Variants in ARL15 observed in about 807,000 individuals in gnomAD.
The protein encoded by ARL15 is ADP-ribosylation factor-like protein 15.
Under a neutral mutation model 25.2 loss-of-function variants are expected in ARL15, and 19 were observed. The observed-to-expected ratio is 0.75, with a 90% CI of 0.53 to 1.10. The LOEUF is 1.10. ARL15 is among the 50% of genes least tolerant of loss of function. ARL15 has a pLI of 0.00. For missense variants in ARL15, 220 were observed against 246.0 expected (o/e 0.89, Z 0.71); for synonymous variants, 94 against 86.8 (o/e 1.08, Z -0.46).
At chr5:54,043,437 T>G (rs1750406734) in intron 4 of ARL15, among the ~76,000 whole-genome samples, 1 of 152,164 alleles carries the variant, frequency 6.6e-6, no homozygotes, top group Non-Finnish European at 1.5e-5. Context: ...ATTGAGATAA[T>G]TATGTAATAA....
chr5:54,228,912 C>T (rs1756596267), intron 1 of ARL15, among the ~76,000 whole-genome samples: 2 of 152,082 alleles, frequency 1.3e-5, no homozygotes, highest in Non-Finnish European at 2.9e-5. Flanking sequence ...ACATAGCATC[C>T]CTGAAAATAA....
rs1202569575 is a variant in ARL15, at chr5:53,886,016, GATTA to G, written c.*541_*544del. On this transcript the variant is annotated 3_prime_UTR_variant, in exon 5 of 5. Transcript: ENST00000504924. ...GCAGGATATTCCTTCCTGATAAGGT[GATTA>G]ATGAAGTTTTTGGTGCTCACTTTTC... is the stretch of plus-strand genomic sequence containing the variant. 6.6e-6 allele frequency: 1 copy of G among 150,478 alleles called. No individual in the cohort carries two copies. Among genetic ancestry groups the G allele is most frequent in the East Asian group, 1.9e-4 (1 of 5,132 alleles). 9.3% of individuals were successfully genotyped at this position (150,478 alleles called of 1,614,324 possible). A position where few individuals can be genotyped will look rare whatever the true frequency, so the allele number is the denominator to read the frequency against.
At chr5:54,237,213 C>A (rs1453405852) in intron 1 of ARL15, among the ~76,000 whole-genome samples, 1 of 152,220 alleles carries the variant, frequency 6.6e-6, no homozygotes, top group Non-Finnish European at 1.5e-5. Flanking sequence ...AGTTCCCCTG[C>A]AAATGCTCTC....
intron 4 of ARL15, among the ~76,000 whole-genome samples, chr5:54,018,136 G>T (rs1406177435): frequency 6.6e-6 from 1 of 152,090 alleles, no homozygotes; most frequent in African/African-American, 2.4e-5. Context: ...GTACCGCCAA[G>T]TTTACCTGTA....
intron 1 of ARL15, among the ~76,000 whole-genome samples, chr5:54,298,992 A>C (rs1183799860): frequency 6.6e-6 from 1 of 151,414 alleles, no homozygotes; most frequent in Non-Finnish European, 1.5e-5. Context: ...CAGACTCAAC[A>C]TCCCAGGCTC....
At chr5:54,249,684 A>AC (rs1297232617) in intron 1 of ARL15, among the ~76,000 whole-genome samples, 1 of 151,998 alleles carries the variant, frequency 6.6e-6, no homozygotes, top group Non-Finnish European at 1.5e-5. Flanking sequence ...AAAAAAAAAA[A>AC]AAAAAAAACT....
At chr5:53,959,982 A>G (rs891145125) in intron 4 of ARL15, among the ~76,000 whole-genome samples, 3 of 151,986 alleles carry the variant, frequency 2.0e-5, no homozygotes, top group Admixed American at 2.0e-4. Context: ...TCTGACATAT[A>G]GTAGATGCTT....
intron 4 of ARL15, among the ~76,000 whole-genome samples, chr5:54,084,424 C>CAAAAA (rs10676630): frequency 2.3e-5 from 3 of 129,928 alleles, no homozygotes; most frequent in Admixed American, 1.6e-4. Flanking sequence ...ACTGACTCTT[C>CAAAAA]AAAAAAAAAA....
chr5:54,174,835 A>T (rs1362641907), intron 1 of ARL15, among the ~76,000 whole-genome samples: 1 of 152,236 alleles, frequency 6.6e-6, no homozygotes, highest in East Asian at 1.9e-4. Context: ...CATGGCTAGC[A>T]GCTGTTCAGA....
intron 4 of ARL15, among the ~76,000 whole-genome samples, chr5:54,033,181 C>T (rs557726102): frequency 6.6e-6 from 1 of 151,402 alleles, no homozygotes; most frequent in East Asian, 2.0e-4. Flanking sequence ...GGCGTGGTGG[C>T]GCATGACTGT....
At chr5:53,887,428 A>C in intron 4 of ARL15, 1 of 698,108 alleles carries the variant, frequency 1.4e-6, no homozygotes, top group Non-Finnish European at 2.6e-6. Flanking sequence ...TGTGCTGAAA[A>C]ACCTGTTCAA....
intron 4 of ARL15, among the ~76,000 whole-genome samples, chr5:54,021,260 G>A (rs867721344): frequency 2.0e-5 from 3 of 151,630 alleles, no homozygotes; most frequent in South Asian, 2.1e-4. Context: ...GCTTGAACCC[G>A]GGAGGCGGAG....
chr5:54,198,494 C>T (rs898495388), intron 1 of ARL15, among the ~76,000 whole-genome samples: 5 of 148,210 alleles, frequency 3.4e-5, no homozygotes, highest in African/African-American at 1.3e-4. Context: ...CATTCTTATA[C>T]ACCAATAACA....
chr5:53,937,166 C>T (rs1472659382), intron 4 of ARL15, among the ~76,000 whole-genome samples: 1 of 152,214 alleles, frequency 6.6e-6, no homozygotes, highest in Non-Finnish European at 1.5e-5. Context: ...TCACCTCTGG[C>T]ATAGTGACCA....
In ARL15 at chr5:54,072,946, C is replaced by T. The variant is rs563025240; in HGVS notation, c.462+40256G>A. Among the ~76,000 whole-genome samples the T allele has an allele frequency of 2.6e-5, 4 of 152,236 alleles. No individual in the cohort carries two copies. The South Asian group carries it at 8.3e-4, about 32-fold the overall frequency. ...ATTTTCCCCCTTGAAATACATATGG[C>T]CCTCAGGGAATGTGGATTGTCAATG... is the stretch of plus-strand genomic sequence containing the variant. On this transcript the variant is annotated intron_variant, in intron 4 of 4. Coordinates refer to ENST00000504924, the MANE Select transcript of ARL15 (RefSeq NM_019087.3).
At chr5:54,166,656 G>T (rs74744453) in intron 2 of ARL15, among the ~76,000 whole-genome samples, 1 of 152,100 alleles carries the variant, frequency 6.6e-6, no homozygotes, top group East Asian at 1.9e-4. Flanking sequence ...CCTAGCTTAG[G>T]TTTAAAGTTG....
chr5:54,258,882 T>C (rs749219737), intron 1 of ARL15, among the ~76,000 whole-genome samples: 2 of 152,184 alleles, frequency 1.3e-5, no homozygotes, highest in African/African-American at 4.8e-5. Flanking sequence ...GGGGAGAACA[T>C]GATGCCAGAG....
intron 2 of ARL15, among the ~76,000 whole-genome samples, chr5:54,159,482 G>C (rs1229380877): frequency 6.6e-6 from 1 of 152,158 alleles, no homozygotes; most frequent in East Asian, 1.9e-4. Flanking sequence ...GCAAAATGAG[G>C]ACTAAATTAG....
intron 3 of ARL15, among the ~76,000 whole-genome samples, chr5:54,134,868 C>A (rs1038872662): frequency 6.6e-6 from 1 of 152,094 alleles, no homozygotes; most frequent in Non-Finnish European, 1.5e-5. Context: ...CAGGCGTGAG[C>A]CACTGCGCCC....
Sources: gnomAD v4.1 joint callset for allele counts (sites outside exome capture counted in the v4.1 genomes callset) on GRCh38, gnomAD v4.1.1 for gene constraint, MANE v1.5 for transcripts, NCBI Gene and HGNC (gene_info 2026-07-23, HGNC 2026-07-21) for gene names.